Variants in CTNNA3 observed in about 807,000 individuals in gnomAD.
The protein encoded by CTNNA3 is catenin alpha-3.
CTNNA3 carries 76 observed loss-of-function variants against 95.7 expected under a neutral mutation model. The observed-to-expected ratio is 0.79, with a 90% CI of 0.66 to 0.96. The LOEUF (loss-of-function observed/expected upper bound fraction) is 0.96, where lower values mean the gene tolerates loss of function less well. CTNNA3 is among the 40% of genes least tolerant of loss of function. CTNNA3 has a pLI of 0.00. For synonymous variants in CTNNA3, 431 were observed against 374.4 expected (o/e 1.15, Z -1.74); for missense variants, 1,191 against 1,089.8 (o/e 1.09, Z -1.31).
At position 67,580,033 on chromosome 10, in the gene CTNNA3, T is replaced by C. The variant is rs1345292484; in HGVS notation, c.292+26824A>G. Among the ~76,000 whole-genome samples, 3 of 152,224 alleles carry C rather than the reference T, an allele frequency of 2.0e-5. No homozygotes were observed. The South Asian group carries it at 6.2e-4, about 32-fold the overall frequency. ...TGTTCACTCTGATGGTAGTTTCTTC[T>C]GCTGTGCGGAAGCTCTTTAGTTTAA... On this transcript the variant is annotated intron_variant, in intron 3 of 17. Coordinates refer to ENST00000433211, the MANE Select transcript of CTNNA3 (RefSeq NM_013266.4).
intron 13 of CTNNA3, among the ~76,000 whole-genome samples, chr10:66,116,437 T>G (rs1018346969): frequency 1.3e-5 from 2 of 152,216 alleles, no homozygotes; most frequent in African/African-American, 2.4e-5. Context: ...CAAATATTTA[T>G]AGCAGATTTA....
chr10:67,088,782 C>T (rs891893678), intron 7 of CTNNA3, among the ~76,000 whole-genome samples: 1 of 151,938 alleles, frequency 6.6e-6, no homozygotes, highest in Non-Finnish European at 1.5e-5. Flanking sequence ...TCATTATTCT[C>T]GTTACAGACA....
intron 7 of CTNNA3, among the ~76,000 whole-genome samples, chr10:66,957,899 C>T (rs2132756191): frequency 6.6e-6 from 1 of 152,118 alleles, no homozygotes; most frequent in East Asian, 1.9e-4. Flanking sequence ...GCCACCTGGA[C>T]TTACGCATAT....
chr10:67,167,711 C>A (rs1339475934), intron 7 of CTNNA3, among the ~76,000 whole-genome samples: 1 of 152,206 alleles, frequency 6.6e-6, no homozygotes, highest in East Asian at 1.9e-4. Flanking sequence ...TAAAATGCCA[C>A]TTGCTTATTT....
chr10:67,568,846 C>G (rs900398534), intron 3 of CTNNA3, among the ~76,000 whole-genome samples: 2 of 152,090 alleles, frequency 1.3e-5, no homozygotes, highest in Admixed American at 6.6e-5. Flanking sequence ...TCAAAGGCAA[C>G]AGCTGCTGCC....
rs377609447 is a variant in CTNNA3, at chr10:67,693,467, G to A, written c.-6+2533C>T. Among the ~76,000 whole-genome samples the A allele has an allele frequency of 2.0e-4, 30 of 152,216 alleles. No individual in the cohort carries two copies. In the South Asian group the frequency reaches 5.6e-3, roughly 28 times the overall value. On this transcript the variant is annotated intron_variant, in intron 1 of 17. Transcript: ENST00000433211. ...ATAATTTCTCTTCAGGCCAGTTTGG[G>A]TTGCCAACTTCTCTTCTTAAATCTT... is the stretch of plus-strand genomic sequence containing the variant.
intron 7 of CTNNA3, among the ~76,000 whole-genome samples, chr10:66,915,399 A>G (rs1846437725): frequency 6.6e-6 from 1 of 152,168 alleles, no homozygotes; most frequent in South Asian, 2.1e-4. Context: ...TTTACCACCC[A>G]GAATTATATT....
At chr10:67,104,724 T>C (rs1371789195) in intron 7 of CTNNA3, among the ~76,000 whole-genome samples, 1 of 151,952 alleles carries the variant, frequency 6.6e-6, no homozygotes, top group East Asian at 1.9e-4. Context: ...TCTGAACATA[T>C]AGCATCCATG....
intron 7 of CTNNA3, among the ~76,000 whole-genome samples, chr10:67,080,684 C>T (rs866159033): frequency 1.7e-3 from 261 of 151,672 alleles, no homozygotes; most frequent in Middle Eastern, 6.9e-3. Flanking sequence ...CTGAGGCGGG[C>T]GGATCACGAG....
At chr10:67,751,170 A>G in intron 1 of CTNNA3, 1 of 1,252,150 alleles carries the variant, frequency 8.0e-7, no homozygotes, top group Non-Finnish European at 1.2e-6. Context: ...CAGAAACTGG[A>G]GGGCCCGTAA....
chr10:67,673,925 T>A (rs1427009844), intron 1 of CTNNA3, among the ~76,000 whole-genome samples: 1 of 151,500 alleles, frequency 6.6e-6, no homozygotes. Flanking sequence ...CATGCATTTA[T>A]AAATATATTT....
At chr10:66,080,280 A>T (rs1485971736) in intron 14 of CTNNA3, among the ~76,000 whole-genome samples, 1 of 152,052 alleles carries the variant, frequency 6.6e-6, no homozygotes, top group African/African-American at 2.4e-5. Context: ...TTACTCCATT[A>T]TAGTAACCCA....
At chr10:67,040,369 G>C (rs1854319334) in intron 7 of CTNNA3, among the ~76,000 whole-genome samples, 1 of 152,088 alleles carries the variant, frequency 6.6e-6, no homozygotes, top group Admixed American at 6.6e-5. Context: ...ACTAGGTAAA[G>C]ATTGTACTGG....
chr10:67,116,307 A>G (rs1484389103), intron 7 of CTNNA3, among the ~76,000 whole-genome samples: 2 of 152,098 alleles, frequency 1.3e-5, no homozygotes, highest in Admixed American at 1.3e-4. Flanking sequence ...TGACCATTTG[A>G]TTTGAGTGGT....
chr10:66,522,155 C>A (rs1277766557), intron 10 of CTNNA3, among the ~76,000 whole-genome samples: 1 of 152,110 alleles, frequency 6.6e-6, no homozygotes, highest in Non-Finnish European at 1.5e-5. Flanking sequence ...TCATCTTCAA[C>A]ATCATCTCAT....
chr10:67,062,967 C>T (rs1355889812), intron 7 of CTNNA3, among the ~76,000 whole-genome samples: 1 of 151,860 alleles, frequency 6.6e-6, no homozygotes, highest in East Asian at 1.9e-4. Flanking sequence ...GAGAGTTAAT[C>T]GTTTTGTTTT....
chr10:66,928,598 G>A (rs1181811643), intron 7 of CTNNA3: 5 of 698,302 alleles, frequency 7.2e-6, no homozygotes, highest in Middle Eastern at 3.7e-4. Context: ...TTCCTTGTCC[G>A]TTTTAGTGCA....
intron 10 of CTNNA3, among the ~76,000 whole-genome samples, chr10:66,586,757 C>A (rs1388605330): frequency 6.6e-6 from 1 of 152,114 alleles, no homozygotes; most frequent in Admixed American, 6.5e-5. Context: ...GAGCTGCAGA[C>A]TTTCCCCACT....
At chr10:66,414,166 A>G (rs933519478) in intron 11 of CTNNA3, among the ~76,000 whole-genome samples, 1 of 152,160 alleles carries the variant, frequency 6.6e-6, no homozygotes, top group Admixed American at 6.5e-5. Context: ...CTGGTTAGGT[A>G]GGTTAGTTAG....
Sources: gnomAD v4.1 joint callset for allele counts (sites outside exome capture counted in the v4.1 genomes callset) on GRCh38, gnomAD v4.1.1 for gene constraint, MANE v1.5 for transcripts, NCBI Gene and HGNC (gene_info 2026-07-23, HGNC 2026-07-21) for gene names.